Variants in BEND6 observed in about 807,000 individuals in gnomAD.
BEND6 encodes BEN domain-containing protein 6.
Under a neutral mutation model 31.8 loss-of-function variants are expected in BEND6, and 24 were observed. That is an observed-to-expected ratio of 0.75 (90% CI 0.55 to 1.06). The LOEUF is 1.06. Among genes scored for constraint, BEND6 ranks in the 50% least tolerant of loss-of-function variants. BEND6 has a pLI of 0.00. For synonymous variants in BEND6, 109 were observed against 114.6 expected (o/e 0.95, Z 0.31); for missense variants, 294 against 327.4 (o/e 0.90, Z 0.79).
intron 2 of BEND6, 39 bp downstream of exon 2, chr6:56,981,969 G>A: frequency 6.4e-7 from 1 of 1,564,476 alleles, no homozygotes; most frequent in Non-Finnish European, 8.6e-7. Context: ...TTGTTATCTA[G>A]CTCAATCATA....
At chr6:56,993,293 A>G (rs942102922) in intron 3 of BEND6, among the ~76,000 whole-genome samples, 1 of 152,214 alleles carries the variant, frequency 6.6e-6, no homozygotes, top group Admixed American at 6.5e-5. Context: ...TATAATAAGG[A>G]TACTATGTTG....
intron 1 of BEND6, among the ~76,000 whole-genome samples, chr6:56,959,331 T>C (rs1467242566): frequency 6.6e-6 from 1 of 152,228 alleles, no homozygotes; most frequent in Non-Finnish European, 1.5e-5. Context: ...AGGAATGTCT[T>C]GGAATGTAGC....
At chr6:56,965,621 C>T (rs1048977903) in intron 1 of BEND6, among the ~76,000 whole-genome samples, 12 of 150,244 alleles carry the variant, frequency 8.0e-5, no homozygotes, top group African/African-American at 2.4e-4. Flanking sequence ...TTGATAGCGC[C>T]GCTGCACTCC....
chr6:57,003,032 G>A (rs1366827074), intron 3 of BEND6, among the ~76,000 whole-genome samples: 2 of 152,128 alleles, frequency 1.3e-5, no homozygotes, highest in African/African-American at 4.8e-5. Flanking sequence ...CATTACAACT[G>A]ACGCCACAGA....
At chr6:57,000,954 C>G (rs1292004734) in intron 3 of BEND6, among the ~76,000 whole-genome samples, 1 of 146,412 alleles carries the variant, frequency 6.8e-6, no homozygotes, top group East Asian at 2.0e-4. Flanking sequence ...CCAGTATTCA[C>G]TATAGCCACA....
chr6:57,010,970 G>A (rs1827323038), intron 3 of BEND6: 1 of 381,466 alleles, frequency 2.6e-6, no homozygotes, highest in Admixed American at 6.4e-5. Flanking sequence ...TAATAATAAA[G>A]CTAATACATT....
At position 57,017,225 on chromosome 6, in the gene BEND6, C is replaced by T. The variant is rs767007099; in HGVS notation, c.538C>T (p.Gln180Ter). Residue 180 changes from glutamine (Q) to a stop codon, truncating the protein, a stop_gained, in exon 5 of 7, where the codon CAG (glutamine) becomes TAG (stop). Transcript: ENST00000370746. LOFTEE classifies it high-confidence loss of function. ...TTTTTAGTTCCAGATTGAAAAATGG[C>T]AGATTGCCCGTTGTAACAAGAGCAA... ...DEKQFQIEKW[Q>*]IARCNKSKPQ... is the part of the protein sequence containing the mutation. 2.5e-6 allele frequency: 4 copies of T among 1,568,806 alleles called. No homozygotes were observed. Among genetic ancestry groups the T allele is most frequent in the South Asian group, 1.2e-5 (1 of 85,240 alleles).
chr6:56,992,587 A>C (rs745823695), intron 3 of BEND6, 32 bp downstream of exon 3: 2 of 1,588,850 alleles, frequency 1.3e-6, no homozygotes, highest in Non-Finnish European at 1.7e-6. Context: ...ATTTTAGATA[A>C]AAGGGAAAGT....
chr6:57,006,204 C>T (rs1827151877), intron 3 of BEND6, among the ~76,000 whole-genome samples: 1 of 152,144 alleles, frequency 6.6e-6, no homozygotes, highest in Admixed American at 6.5e-5. Context: ...ACCTGAGTGA[C>T]AGGTAAAGCA....
intron 1 of BEND6, among the ~76,000 whole-genome samples, chr6:56,962,356 A>G (rs1825321485): frequency 1.3e-5 from 2 of 152,216 alleles, no homozygotes; most frequent in African/African-American, 4.8e-5. Flanking sequence ...CTAGGTCTCA[A>G]TGTCACATCA....
intron 1 of BEND6, among the ~76,000 whole-genome samples, chr6:56,967,325 G>C (rs1254541266): frequency 6.6e-6 from 1 of 152,124 alleles, no homozygotes; most frequent in East Asian, 1.9e-4. Flanking sequence ...AGTCATAGTG[G>C]AAATGTTACC....
At chr6:56,983,247 A>G (rs1205000230) in intron 2 of BEND6, among the ~76,000 whole-genome samples, 1 of 152,224 alleles carries the variant, frequency 6.6e-6, no homozygotes, top group Non-Finnish European at 1.5e-5. Context: ...AGGTTACTAT[A>G]GTGAAGCAAA....
At chr6:56,965,346 C>T (rs913876408) in intron 1 of BEND6, among the ~76,000 whole-genome samples, 25 of 151,726 alleles carry the variant, frequency 1.6e-4, no homozygotes, top group African/African-American at 6.1e-4. Context: ...ATATTTAGAC[C>T]TTAACTTTTG....
chr6:56,987,316 C>T (rs1826318845), intron 2 of BEND6, among the ~76,000 whole-genome samples: 1 of 152,176 alleles, frequency 6.6e-6, no homozygotes, highest in East Asian at 1.9e-4. Flanking sequence ...CAGAACTTAC[C>T]TATTCCCTAA....
At chr6:57,004,676 A>G (rs1827086958) in intron 3 of BEND6, 3 of 1,506,820 alleles carry the variant, frequency 2.0e-6, no homozygotes, top group Non-Finnish European at 2.7e-6. Context: ...GAAAAAAAAA[A>G]TGTGAATCAG....
intron 2 of BEND6, among the ~76,000 whole-genome samples, chr6:56,984,710 C>A (rs773821483): frequency 4.6e-5 from 7 of 152,154 alleles, no homozygotes; most frequent in Non-Finnish European, 8.8e-5. Context: ...CTGTTCTCTT[C>A]AATTACGGCA....
intron 3 of BEND6, among the ~76,000 whole-genome samples, chr6:56,998,762 AAAG>A (rs1826819509): frequency 6.6e-6 from 1 of 151,940 alleles, no homozygotes; most frequent in Non-Finnish European, 1.5e-5. Context: ...CAAAAAAAAA[AAAG>A]AAGGAAAGAA....
At chr6:56,984,170 G>T (rs927815710) in intron 2 of BEND6, among the ~76,000 whole-genome samples, 1 of 151,754 alleles carries the variant, frequency 6.6e-6, no homozygotes, top group Admixed American at 6.6e-5. Flanking sequence ...GCAGTGAGCT[G>T]TGTTCCCATC....
intron 3 of BEND6, among the ~76,000 whole-genome samples, chr6:57,013,067 T>G (rs1200862214): frequency 2.0e-5 from 3 of 152,122 alleles, no homozygotes; most frequent in Non-Finnish European, 2.9e-5. Flanking sequence ...ACCTGATGCT[T>G]CTTCTTTGTG....
Sources: allele counts gnomAD v4.1 joint callset (sites outside exome capture counted in the v4.1 genomes callset), GRCh38; gene constraint gnomAD v4.1.1; transcripts MANE v1.5; gene names NCBI Gene and HGNC (gene_info 2026-07-23, HGNC 2026-07-21).